Variants in RFX2 observed in about 807,000 individuals in gnomAD.
The protein encoded by RFX2 is DNA-binding protein RFX2.
A neutral mutation model predicts 87.8 loss-of-function variants in RFX2; 20 were observed. That is an observed-to-expected ratio of 0.23 (90% confidence interval 0.16 to 0.33). The LOEUF is 0.33. RFX2 is among the 10% of genes least tolerant of loss of function. RFX2 has a pLI of 1.00. For synonymous variants in RFX2, 397 were observed against 431.3 expected, an observed-to-expected ratio of 0.92 and a Z score of 0.98; for missense variants, 767 against 1,012.3, an observed-to-expected ratio of 0.76 and a Z score of 3.29.
chr19:6,100,438 G>C (rs888798584), intron 1 of RFX2, among the ~76,000 whole-genome samples: 3 of 152,216 alleles, frequency 2.0e-5, no homozygotes, highest in Non-Finnish European at 4.4e-5. Flanking sequence ...CAAGGTCTGT[G>C]CAAAGAGCCG....
At chr19:6,096,713 T>C (rs2088034075) in intron 1 of RFX2, among the ~76,000 whole-genome samples, 1 of 152,242 alleles carries the variant, frequency 6.6e-6, no homozygotes, top group African/African-American at 2.4e-5. Flanking sequence ...CCCAAAGTGC[T>C]GGGATTACAG....
intron 1 of RFX2, among the ~76,000 whole-genome samples, chr19:6,086,061 C>T (rs1259822689): frequency 6.9e-6 from 1 of 145,424 alleles, no homozygotes; most frequent in Non-Finnish European, 1.5e-5. Context: ...CACTGCACTC[C>T]AGCCTGGGTG....
intron 1 of RFX2, among the ~76,000 whole-genome samples, chr19:6,097,585 A>T (rs1173350078): frequency 1.3e-5 from 2 of 149,806 alleles, no homozygotes; most frequent in Non-Finnish European, 2.9e-5. Flanking sequence ...ACCCTTTATT[A>T]TTATTAATTA....
chr19:6,080,202 A>ATGTGTGTGTGTGTGTGTG lies in RFX2; in HGVS notation c.-9+30173_-9+30190dup, dbSNP rs368062995. On this transcript the variant is annotated intron_variant, in intron 1 of 17. Coordinates refer to ENST00000303657, the MANE Select transcript of RFX2 (RefSeq NM_000635.4). ...GGGACCACAGGCACATGCCTGGTTA[A>ATGTGTGTGTGTGTGTGTG]TGTGTGTGTGTGTGTGTGTGTGTGT... Among the ~76,000 whole-genome samples the ATGTGTGTGTGTGTGTGTG allele has an allele frequency of 3.0e-3, 418 of 138,496 alleles. 4 individuals are homozygous for ATGTGTGTGTGTGTGTGTG. Among genetic ancestry groups the ATGTGTGTGTGTGTGTGTG allele is most frequent in the African/African-American group, 0.01 (378 of 37,404 alleles). 90.9% of individuals were successfully genotyped at this position (138,496 alleles called of 152,430 possible).
chr19:6,044,205 C>A lies in RFX2; in HGVS notation c.168G>T (p.Gln56His). 2 of 1,568,968 alleles carry A rather than the reference C, an allele frequency of 1.3e-6. No individual in the cohort carries two copies. Among genetic ancestry groups the A allele is most frequent in the Non-Finnish European group, 1.7e-6 (2 of 1,157,458 alleles). The part of the protein sequence containing the change: ...MQPISLPRVQ[Q>H]VPQQVQPVQH... ...TGCTTGTCATTACCTGCTGGGGTAC[C>A]TGCTGAACTCTGGGGAGGGAGATCG... Residue 56 changes from glutamine to histidine, a missense_variant, in exon 3 of 18, where the codon CAG becomes CAT. Gln to His is a conservative substitution (Grantham distance 24). Around this residue, in one of 2 missense-constraint regions of RFX2, gnomAD observed 146 missense variants for 139.2 expected, o/e 1.05. Coordinates refer to ENST00000303657, the MANE Select transcript of RFX2 (RefSeq NM_000635.4). This position sits in a 1 kb window ranked among gnomAD's most constrained non-coding sequence, Gnocchi z 5.3.
Position 6,012,925 on chromosome 19 carries a change from A to G in RFX2, c.899+61T>C. 3 of 1,394,076 alleles carry G rather than the reference A, an allele frequency of 2.2e-6. No homozygotes were observed. Among genetic ancestry groups the G allele is most frequent in the South Asian group, 3.6e-5 (2 of 55,496 alleles). The allele number at this position is 1,394,076 out of a possible 1,614,324, so 86.4% of individuals were successfully genotyped here. A position where few individuals can be genotyped will look rare whatever the true frequency, so the allele number is the denominator to read the frequency against. Reference sequence around the variant, plus strand: ...GATGAGTTTGTTTCGTGTTGGAGAAACACCCACCCCTCCATGCTCCAGGGG... The same window carrying G: ...GATGAGTTTGTTTCGTGTTGGAGAAGCACCCACCCCTCCATGCTCCAGGGG... On this transcript the variant is annotated intron_variant, in intron 8 of 17. Coordinates refer to ENST00000303657, the MANE Select transcript of RFX2 (RefSeq NM_000635.4). This position sits in a 1 kb window ranked among gnomAD's most constrained non-coding sequence, Gnocchi z 4.6.
intron 9 of RFX2, among the ~76,000 whole-genome samples, chr19:6,009,917 T>C (rs1296912065): frequency 1.3e-5 from 2 of 152,254 alleles, no homozygotes; most frequent in Non-Finnish European, 2.9e-5. Context: ...CTGATGGTCA[T>C]TTTATATATT....
rs374698271 is a variant in RFX2, at chr19:6,012,976, C to T, written c.899+10G>A. On this transcript the variant is annotated intron_variant, in intron 8 of 17. Coordinates refer to ENST00000303657, the MANE Select transcript of RFX2 (RefSeq NM_000635.4). This position sits in a 1 kb window ranked among gnomAD's most constrained non-coding sequence, Gnocchi z 4.6. ...AGAGCCAGCTCCTCCCAGCTCGGCCCGGCACCCACCTGGGCTTCTGGTGCA... is the reference window on the plus strand; with the variant it reads ...AGAGCCAGCTCCTCCCAGCTCGGCCTGGCACCCACCTGGGCTTCTGGTGCA... 30 of 1,525,362 alleles carry T rather than the reference C, an allele frequency of 2.0e-5. No homozygotes were observed. The highest frequency in any genetic ancestry group is 2.6e-5 in the South Asian group (2 of 78,274). The allele number at this position is 1,525,362 out of a possible 1,614,324, so 94.5% of individuals were successfully genotyped here. A position where few individuals can be genotyped will look rare whatever the true frequency, so the allele number is the denominator to read the frequency against.
In RFX2 at chr19:5,999,666, G is replaced by C. The variant is rs1384482031; in HGVS notation, c.1859+2149C>G. 1.3e-5 allele frequency among the ~76,000 whole-genome samples: 2 copies of C among 152,114 alleles called. No homozygotes were observed. The highest frequency in any genetic ancestry group is 3.9e-4 in the East Asian group (2 of 5,190). On this transcript the variant is annotated intron_variant, in intron 15 of 17. Coordinates refer to ENST00000303657, the MANE Select transcript of RFX2 (RefSeq NM_000635.4). The surrounding 1 kb of genome is among the most constrained non-coding windows in gnomAD (Gnocchi z 4.1). ...AAACAGAAGTGAGGTCCCGGCACTC[G>C]GGTAGCGTGCCTGATCATGCAGGAG...
At chr19:6,006,925 G>T (rs1040878145) in intron 12 of RFX2, 87 bp downstream of exon 12, 5 of 1,472,714 alleles carry the variant, frequency 3.4e-6, no homozygotes, top group Non-Finnish European at 4.7e-6. Context: ...GATGGTCTGA[G>T]GTGGCTGAAG....
At position 6,017,784 on chromosome 19, in the gene RFX2, C is replaced by T. The variant is rs1024422263; in HGVS notation, c.598-1513G>A. On this transcript the variant is annotated intron_variant, in intron 6 of 17. Coordinates refer to ENST00000303657, the MANE Select transcript of RFX2 (RefSeq NM_000635.4). This position sits in a 1 kb window ranked among gnomAD's most constrained non-coding sequence, Gnocchi z 4.1. ...CTGCACAGCCCTTGGCCTGGGAAGC[C>T]CTTGTCCCTGTGCCCCGCACACCCC... 1.3e-5 allele frequency among the ~76,000 whole-genome samples: 2 copies of T among 151,980 alleles called. No homozygotes were observed. The highest frequency in any genetic ancestry group is 4.2e-4 in the South Asian group (2 of 4,816).
rs147361956 is a variant in RFX2, at chr19:6,012,759, T to G, written c.899+227A>C. Among the ~76,000 whole-genome samples the G allele has an allele frequency of 2.2e-3, 336 of 152,236 alleles. 1 individual carries two copies. The highest frequency in any genetic ancestry group is 7.9e-3 in the African/African-American group (327 of 41,534). ...AAAATGAAGTCTGTTAAAAACAGTT[T>G]TAAACGGTTTTAAAAAAAGTCTGAA... On this transcript the variant is annotated intron_variant, in intron 8 of 17. Coordinates refer to ENST00000303657, the MANE Select transcript of RFX2 (RefSeq NM_000635.4). This position sits in a 1 kb window ranked among gnomAD's most constrained non-coding sequence, Gnocchi z 4.6.
intron 1 of RFX2, among the ~76,000 whole-genome samples, chr19:6,060,835 T>G (rs541072304): frequency 6.6e-6 from 1 of 152,148 alleles, no homozygotes; most frequent in South Asian, 2.1e-4. Flanking sequence ...CCTCCACCCT[T>G]GTGCCCCTCC....
intron 1 of RFX2, among the ~76,000 whole-genome samples, chr19:6,107,172 T>C (rs903702157): frequency 2.0e-5 from 3 of 152,078 alleles, no homozygotes; most frequent in African/African-American, 2.4e-5. Flanking sequence ...GGCAGGCGCC[T>C]GTAGTCCCAG....
intron 10 of RFX2, 85 bp downstream of exon 10, chr19:6,008,015 TCCTCAG>T (rs1290363435): frequency 1.0e-6 from 1 of 985,082 alleles, no homozygotes; most frequent in African/African-American, 1.6e-5. Flanking sequence ...GGGCTCCAGC[TCCTCAG>T]CGTCACCCGG....
At position 6,007,247 on chromosome 19, in the gene RFX2, G is replaced by C; in HGVS notation, c.1248-81C>G. 6.8e-7 allele frequency: 1 copy of C among 1,460,458 alleles called. No individual in the cohort carries two copies. The highest frequency in any genetic ancestry group is 2.5e-4 in the Middle Eastern group (1 of 4,028). The allele number at this position is 1,460,458 out of a possible 1,614,324, so 90.5% of individuals were successfully genotyped here. ...GCCACGGGAGCGAGCAGAGAGCCGGGCTGCGGGACTTTTGCCCAACAGTGG... is the reference window on the plus strand; with the variant it reads ...GCCACGGGAGCGAGCAGAGAGCCGGCCTGCGGGACTTTTGCCCAACAGTGG... On this transcript the variant is annotated intron_variant, in intron 11 of 17. Transcript: ENST00000303657. The surrounding 1 kb of genome is among the most constrained non-coding windows in gnomAD (Gnocchi z 8.2).
rs1440820029 is a variant in RFX2, at chr19:6,074,760, A to G, written c.-8-27256T>C. The stretch of plus-strand genomic sequence containing the variant: ...GACAGGACAGAGGCAGAGTGAGGTG[A>G]GGAAAGTGTCGCCGCTGAGAAGGCT... On this transcript the variant is annotated intron_variant, in intron 1 of 17. Transcript: ENST00000303657. The surrounding 1 kb of genome is among the most constrained non-coding windows in gnomAD (Gnocchi z 5.2). Among the ~76,000 whole-genome samples the G allele has an allele frequency of 1.3e-5, 2 of 152,214 alleles. No homozygotes were observed. The highest frequency in any genetic ancestry group is 4.8e-5 in the African/African-American group (2 of 41,456).
chr19:6,098,890 G>A (rs1351274410), intron 1 of RFX2, among the ~76,000 whole-genome samples: 1 of 148,066 alleles, frequency 6.8e-6, no homozygotes, highest in African/African-American at 2.5e-5. Context: ...GCCACTGCTC[G>A]TGGCCCAGGG....
intron 4 of RFX2, 90 bp downstream of exon 4, chr19:6,041,953 AG>A: frequency 1.1e-6 from 1 of 941,238 alleles, no homozygotes; most frequent in Non-Finnish European, 1.8e-6. Context: ...CAAAAGCATA[AG>A]GGAGAGGAAT....
Sources: gnomAD v4.1 joint callset for allele counts (sites outside exome capture counted in the v4.1 genomes callset) on GRCh38, gnomAD v4.1.1 for gene constraint, gnomAD v4.1.1 regional missense constraint, Gnocchi (gnomAD v3.1) non-coding constraint, MANE v1.5 for transcripts, NCBI Gene and HGNC (gene_info 2026-07-23, HGNC 2026-07-21) for gene names.